The following ZNF836 variants were observed in gnomAD, a reference collection of about 807,000 sequenced individuals.
The protein encoded by ZNF836 is zinc finger protein 836.
Under a neutral mutation model 7.4 loss-of-function variants are expected in ZNF836, and 12 were observed. The observed-to-expected ratio is 1.61, with a 90% CI of 1.03 to 2.61. The LOEUF is 2.61. Among genes scored for constraint, ZNF836 ranks in the 30% most tolerant of loss-of-function variants. ZNF836 has a pLI of 0.00. For missense variants in ZNF836, 998 were observed against 1,126.2 expected, an observed-to-expected ratio of 0.89 and a Z score of 1.63; for synonymous variants, 365 against 382.6, an observed-to-expected ratio of 0.95 and a Z score of 0.54.
Position 52,163,798 on chromosome 19 carries a change from T to C in ZNF836, c.16-3207A>G, listed in dbSNP as rs373076423. On this transcript the variant is annotated intron_variant, in intron 3 of 4. Coordinates refer to ENST00000682614, the MANE Select transcript of ZNF836 (RefSeq NM_001102657.3). ...ACTAGGTAAGATCTAGTACCATAGG[T>C]GACTGCAGCACCAGAGTCTTCAATA... is the stretch of plus-strand genomic sequence containing the variant. 3.3e-5 allele frequency among the ~76,000 whole-genome samples: 5 copies of C among 151,736 alleles called. No homozygotes were observed. The East Asian group carries it at 9.8e-4, about 30-fold the overall frequency.
At chr19:52,162,266 G>C (rs376028766) in intron 3 of ZNF836, among the ~76,000 whole-genome samples, 3 of 152,282 alleles carry the variant, frequency 2.0e-5, no homozygotes, top group African/African-American at 7.2e-5. Context: ...TATCCTAACA[G>C]GGACTCTCTG....
At position 52,157,246 on chromosome 19, in the gene ZNF836, T is replaced by A. The variant is rs774852323; in HGVS notation, c.437A>T (p.Gln146Leu). ...CIENQLTLSF[Q>L]SRLTELQKFQ... is the part of the protein sequence containing the mutation. Reference sequence around the variant, plus strand: ...TTTCTGCAGTTCAGTCAGACGTGACTGAAAGCTTAATGTAAGCTGATTTTC... The same window carrying A: ...TTTCTGCAGTTCAGTCAGACGTGACAGAAAGCTTAATGTAAGCTGATTTTC... The change falls in exon 5 of 5, where the codon CAG becomes CTG. Residue 146 changes from glutamine (Q) to leucine (L), a missense_variant. Physicochemically the swap from Gln to Leu is moderately radical, Grantham distance 113 (BLOSUM62 -2). Transcript: ENST00000682614. 4.4e-6 allele frequency: 7 copies of A among 1,608,672 alleles called. No individual in the cohort carries two copies. The African/African-American group carries it at 9.3e-5, about 21-fold the overall frequency.
chr19:52,163,700 G>C, intron 3 of ZNF836, among the ~76,000 whole-genome samples: 1 of 152,138 alleles, frequency 6.6e-6, no homozygotes, highest in South Asian at 2.1e-4. Context: ...GAAAGGAACA[G>C]GATGAAAGGT....
rs763830667 is a variant in ZNF836, at chr19:52,154,861, A to G, written c.*11T>C. 3 of 1,499,530 alleles carry G rather than the reference A, an allele frequency of 2.0e-6. No homozygotes were observed. The highest frequency in any genetic ancestry group is 2.5e-5 in the Admixed American group (1 of 39,972). 92.9% of individuals were successfully genotyped at this position (1,499,530 alleles called of 1,614,324 possible). On this transcript the variant is annotated 3_prime_UTR_variant, in exon 5 of 5. Transcript: ENST00000682614. ...AGTGACAAATATACAAGCTATATCA[A>G]TAAGTATGAATTATTTGAACCCAGA... is the stretch of plus-strand genomic sequence containing the variant.
intron 4 of ZNF836, among the ~76,000 whole-genome samples, chr19:52,159,366 C>T (rs2089193680): frequency 6.6e-6 from 1 of 152,062 alleles, no homozygotes; most frequent in Admixed American, 6.5e-5. Context: ...TAAGACTGCC[C>T]ACAGGATTTA....
At chr19:52,170,975 G>C (rs2089302920) in intron 1 of ZNF836, among the ~76,000 whole-genome samples, 1 of 152,246 alleles carries the variant, frequency 6.6e-6, no homozygotes, top group Admixed American at 6.5e-5. Context: ...GGAAGCCTGG[G>C]GAGCGAAAGG....
Position 52,155,341 on chromosome 19 carries a change from T to C in ZNF836, c.2342A>G (p.Asn781Ser), listed in dbSNP as rs372714927. ...IHTGEKPYKC[N>S]ECGKVFRHQS... ...ATGACGAAAGACCTTGCCACATTCA[T>C]TACATTTGTAAGGTTTCTCTCCAGT... Residue 781 changes from asparagine to serine, a missense_variant, in exon 5 of 5, where the codon AAT (asparagine) becomes AGT (serine). Physicochemically the swap from Asn to Ser is conservative, Grantham distance 46 (BLOSUM62 1). Transcript: ENST00000682614. 6.2e-7 allele frequency: 1 copy of C among 1,614,072 alleles called. No individual in the cohort carries two copies. The highest frequency in any genetic ancestry group is 1.3e-5 in the African/African-American group (1 of 75,014).
intron 3 of ZNF836, among the ~76,000 whole-genome samples, chr19:52,163,752 T>C (rs2089235060): frequency 6.6e-6 from 1 of 152,090 alleles, no homozygotes; most frequent in Non-Finnish European, 1.5e-5. Flanking sequence ...TAAACCAGTG[T>C]GTGCAGTAAC....
rs1311922195 is a variant in ZNF836, at chr19:52,157,158, G to A, written c.525C>T (p.Ser175=). 3 of 1,613,192 alleles carry A rather than the reference G, an allele frequency of 1.9e-6. No homozygotes were observed. Among genetic ancestry groups the A allele is most frequent in the South Asian group, 2.2e-5 (2 of 91,012 alleles). ...GAATTCTTTGAAGTGGTGAAACTAG[G>A]GAACTGTTATTAACTGTCTTCTCAG... ...NQSEKTVNNS[S]LVSPLQRILP... Residue 175 remains serine, a synonymous_variant, in exon 5 of 5, where the codon TCC becomes TCT. Coordinates refer to ENST00000682614, the MANE Select transcript of ZNF836 (RefSeq NM_001102657.3).
chr19:52,155,654 G>A lies in ZNF836; in HGVS notation c.2029C>T (p.Gln677Ter), dbSNP rs954309479. Residue 677 changes from glutamine (Q) to a stop codon, truncating the protein, a stop_gained, in exon 5 of 5, where the codon CAG becomes TAG. Transcript: ENST00000682614. LOFTEE classifies it low-confidence loss of function (END_TRUNC). ...AGATGTTTAGTGAGGCTTGAACGCTGAGTATAGGCTTTGCCACAATCATTA... is the reference window on the plus strand; with the variant it reads ...AGATGTTTAGTGAGGCTTGAACGCTAAGTATAGGCTTTGCCACAATCATTA... ...KCNDCGKAYT[Q>*]RSSLTKHLII... 2 of 1,613,818 alleles carry A rather than the reference G, an allele frequency of 1.2e-6. No homozygotes were observed. The highest frequency in any genetic ancestry group is 1.7e-6 in the Non-Finnish European group (2 of 1,179,976).
Position 52,163,536 on chromosome 19 carries a change from A to G in ZNF836, c.16-2945T>C, listed in dbSNP as rs1359622839. ...ACGCCTGTAATCCCAGCACTTTGGG[A>G]GGCCGAGGTGGGCGGATCACAAGGT... is the stretch of plus-strand genomic sequence containing the variant. On this transcript the variant is annotated intron_variant, in intron 3 of 4. Coordinates refer to ENST00000682614, the MANE Select transcript of ZNF836 (RefSeq NM_001102657.3). Among the ~76,000 whole-genome samples the G allele has an allele frequency of 1.4e-4, 21 of 151,746 alleles. 1 individual carries two copies. The South Asian group carries it at 2.9e-3, about 21-fold the overall frequency.
At position 52,156,367 on chromosome 19, in the gene ZNF836, T is replaced by TAGAA. The variant is rs2089159735; in HGVS notation, c.1315_1316insTTCT (p.Glu439ValfsTer8). On this transcript the variant is annotated frameshift_variant, in exon 5 of 5. Coordinates refer to ENST00000682614, the MANE Select transcript of ZNF836 (RefSeq NM_001102657.3). LOFTEE classifies it low-confidence loss of function (END_TRUNC). The stretch of plus-strand genomic sequence containing the variant: ...GCATACATCACATGTATATGGTTTC[T>TAGAA]CTCCTGTATGGATTATCTGATGTGT... 1.9e-6 allele frequency: 3 copies of TAGAA among 1,614,102 alleles called. No homozygotes were observed. Among genetic ancestry groups the TAGAA allele is most frequent in the Non-Finnish European group, 2.5e-6 (3 of 1,180,050 alleles).
intron 3 of ZNF836, among the ~76,000 whole-genome samples, chr19:52,163,858 A>C (rs1027200974): frequency 6.6e-6 from 1 of 152,146 alleles, no homozygotes; most frequent in Non-Finnish European, 1.5e-5. Flanking sequence ...TCTGAGTAGA[A>C]ACCAGCAAAC....
chr19:52,163,050 G>A (rs117093686), intron 3 of ZNF836, among the ~76,000 whole-genome samples: 1,717 of 152,226 alleles, frequency 0.011, 15 homozygotes, highest in Non-Finnish European at 0.017. Flanking sequence ...CAGACCTGAG[G>A]TATCAGAGTT....
Position 52,155,074 on chromosome 19 carries a change from G to C in ZNF836, c.2609C>G (p.Ala870Gly), listed in dbSNP as rs200158862. ...GTTGAGGCAAGAAAACCGCCCAAAG[G>C]CCTTGCCACATTCAATACATTTGTA... Reference protein sequence around the residue: ...KPYKCIECGKAFGRFSCLNKH... With the variant: ...KPYKCIECGKGFGRFSCLNKH... The change falls in exon 5 of 5, where the codon GCC becomes GGC. Residue 870 changes from alanine to glycine, a missense_variant. Coordinates refer to ENST00000682614, the MANE Select transcript of ZNF836 (RefSeq NM_001102657.3). 629 of 1,614,084 alleles carry C rather than the reference G, an allele frequency of 3.9e-4. No individual in the cohort carries two copies. Among genetic ancestry groups the C allele is most frequent in the Non-Finnish European group, 5.1e-4 (604 of 1,179,992 alleles).
At position 52,155,582 on chromosome 19, in the gene ZNF836, C is replaced by T. The variant is rs778260356; in HGVS notation, c.2101G>A (p.Gly701Arg). ...EKPYNCNEFG[G>R]AFIQSSKLAR... Reference sequence around the variant, plus strand: ...AGTTTTGAACTTTGGATAAATGCCCCTCCAAACTCATTACAATTGTAAGGT... The same window carrying T: ...AGTTTTGAACTTTGGATAAATGCCCTTCCAAACTCATTACAATTGTAAGGT... Residue 701 changes from glycine to arginine, a missense_variant, in exon 5 of 5, where the codon GGG (glycine) becomes AGG (arginine). Transcript: ENST00000682614. The T allele has an allele frequency of 6.8e-6, 11 of 1,613,542 alleles. No individual in the cohort carries two copies. Among genetic ancestry groups the T allele is most frequent in the East Asian group, 2.2e-5 (1 of 44,820 alleles).
chr19:52,168,065 A>C lies in ZNF836; in HGVS notation c.8T>G (p.Leu3Arg), dbSNP rs769441181. Residue 3 changes from leucine (L) to arginine (R), a missense_variant, in exon 3 of 5, where the codon CTT becomes CGT. By Grantham distance (102) the Leu-to-Arg change is moderately radical. Coordinates refer to ENST00000682614, the MANE Select transcript of ZNF836 (RefSeq NM_001102657.3). ...CTAAGAATATCATTTTACCTGTGTA[A>C]GAGCCATCCCTGACTCCTTTTCTTT... MALTQGPLTFRDV... is the reference protein window; with the variant it reads MARTQGPLTFRDV... 1.2e-6 allele frequency: 2 copies of C among 1,609,434 alleles called. No homozygotes were observed. The highest frequency in any genetic ancestry group is 1.7e-6 in the Non-Finnish European group (2 of 1,176,194).
chr19:52,162,151 A>C (rs2089218113), intron 3 of ZNF836, among the ~76,000 whole-genome samples: 1 of 152,194 alleles, frequency 6.6e-6, no homozygotes, highest in Admixed American at 6.5e-5. Flanking sequence ...CCCACATGGA[A>C]GTTCTCACAG....
Position 52,157,435 on chromosome 19 carries a change from ACAT to A in ZNF836, c.245_247del (p.Asp82del). The stretch of plus-strand genomic sequence containing the variant: ...GATTTCCCTTAAGTAAAAATTTTCA[ACAT>A]CATAACATTCATGTCTTTCCAGCGT... On this transcript the variant is annotated inframe_deletion, in exon 5 of 5. Transcript: ENST00000682614. 6.2e-7 allele frequency: 1 copy of A among 1,607,676 alleles called. No individual in the cohort carries two copies. The highest frequency in any genetic ancestry group is 8.5e-7 in the Non-Finnish European group (1 of 1,178,412).
Sources: gnomAD v4.1 joint callset for allele counts (sites outside exome capture counted in the v4.1 genomes callset) on GRCh38, gnomAD v4.1.1 for gene constraint, MANE v1.5 for transcripts, NCBI Gene and HGNC (gene_info 2026-07-23, HGNC 2026-07-21) for gene names.